The following SLC38A6 variants were observed in gnomAD, a reference collection of about 807,000 sequenced individuals.
SLC38A6 encodes the protein solute carrier family 38 member 6, also known as N system amino acid transporter NAT-1.
Under a neutral mutation model 65.0 loss-of-function variants are expected in SLC38A6, and 73 were observed. The ratio of observed to expected loss-of-function variants is 1.12; its 90% CI spans 0.93 to 1.37. The LOEUF (loss-of-function observed/expected upper bound fraction) is 1.37, where lower values mean the gene tolerates loss of function less well. SLC38A6 is among the 40% of genes most tolerant of loss of function. The pLI, the probability that SLC38A6 is intolerant of heterozygous loss-of-function variation, is 0.00. For missense variants in SLC38A6, 561 were observed against 531.1 expected, an observed-to-expected ratio of 1.06 and a Z score of -0.55; for synonymous variants, 183 against 178.8, an observed-to-expected ratio of 1.02 and a Z score of -0.19.
At chr14:61,005,425 A>C (rs370837917) in intron 3 of SLC38A6, among the ~76,000 whole-genome samples, 12 of 139,286 alleles carry the variant, frequency 8.6e-5, no homozygotes, top group South Asian at 5.0e-4. Flanking sequence ...TTGTATATCT[A>C]GAAAACCCCA....
At chr14:60,992,026 A>G (rs2037930974) in intron 3 of SLC38A6, among the ~76,000 whole-genome samples, 1 of 152,230 alleles carries the variant, frequency 6.6e-6, no homozygotes, top group African/African-American at 2.4e-5. Flanking sequence ...AATGAGCCCA[A>G]CTAAAAGTCA....
chr14:60,999,535 T>G (rs1595005862), intron 3 of SLC38A6, among the ~76,000 whole-genome samples: 1 of 152,218 alleles, frequency 6.6e-6, no homozygotes, highest in African/African-American at 2.4e-5. Flanking sequence ...TATACCCTAC[T>G]GCAGTGAGCT....
At chr14:61,016,984 A>T (rs1290801788) in intron 4 of SLC38A6, among the ~76,000 whole-genome samples, 2 of 152,196 alleles carry the variant, frequency 1.3e-5, no homozygotes, top group East Asian at 3.8e-4. Context: ...GGAAATATAT[A>T]TAGCTATACA....
chr14:60,997,400 C>T (rs2038374751), intron 3 of SLC38A6, among the ~76,000 whole-genome samples: 1 of 152,182 alleles, frequency 6.6e-6, no homozygotes, highest in Non-Finnish European at 1.5e-5. Context: ...GATTTGCCCA[C>T]CTCAGCTTCC....
intron 1 of SLC38A6, 171 bp downstream of exon 1, chr14:60,981,553 C>T: frequency 6.5e-7 from 1 of 1,529,132 alleles, no homozygotes; most frequent in Non-Finnish European, 8.7e-7. Flanking sequence ...GAGATTGGCG[C>T]AGTTATGAAC....
At chr14:61,062,189 C>G (rs186620401) in intron 15 of SLC38A6, among the ~76,000 whole-genome samples, 87 of 152,250 alleles carry the variant, frequency 5.7e-4, no homozygotes, top group East Asian at 5.0e-3. Context: ...TACCATGGAG[C>G]ACAGTTCCTA....
intron 10 of SLC38A6, among the ~76,000 whole-genome samples, chr14:61,044,730 A>G (rs1232143777): frequency 6.6e-6 from 1 of 152,202 alleles, no homozygotes; most frequent in East Asian, 1.9e-4. Flanking sequence ...TTCTAATAAT[A>G]AAAACAAAAC....
At chr14:60,981,451 A>G (rs1277825346) in intron 1 of SLC38A6, 69 bp downstream of exon 1, 4 of 1,546,098 alleles carry the variant, frequency 2.6e-6, no homozygotes, top group Middle Eastern at 1.7e-4. Context: ...GCCAAATAAG[A>G]CCCAGAAAAG....
At chr14:60,984,836 A>C in intron 3 of SLC38A6, 33 bp downstream of exon 3, 4 of 1,584,796 alleles carry the variant, frequency 2.5e-6, no homozygotes, top group Non-Finnish European at 3.5e-6. Context: ...TTCATTTAAT[A>C]AAGGAGTCTC....
chr14:60,983,062 CAT>C (rs1393506453), intron 2 of SLC38A6, among the ~76,000 whole-genome samples: 3 of 152,138 alleles, frequency 2.0e-5, no homozygotes, highest in African/African-American at 7.2e-5. Flanking sequence ...AGAGGCCAGA[CAT>C]GTGTTTTGTG....
chr14:61,005,777 A>G (rs2039063506), intron 3 of SLC38A6, among the ~76,000 whole-genome samples: 1 of 152,244 alleles, frequency 6.6e-6, no homozygotes, highest in Non-Finnish European at 1.5e-5. Context: ...TTATAGATTC[A>G]ATGCCATCCC....
intron 3 of SLC38A6, among the ~76,000 whole-genome samples, chr14:61,012,958 G>T (rs1306069697): frequency 2.0e-5 from 3 of 151,836 alleles, no homozygotes; most frequent in Admixed American, 6.6e-5. Flanking sequence ...TCTGTCTCGT[G>T]GATCTGTCTA....
At chr14:61,034,787 C>T (rs77722612) in intron 6 of SLC38A6, among the ~76,000 whole-genome samples, 2,861 of 152,228 alleles carry the variant, frequency 0.019, 54 homozygotes, top group South Asian at 0.067. Flanking sequence ...GCTTCAGGTC[C>T]ACTAAAGCTG....
intron 5 of SLC38A6, among the ~76,000 whole-genome samples, chr14:61,021,399 A>G (rs896119596): frequency 3.3e-5 from 5 of 152,196 alleles, no homozygotes; most frequent in African/African-American, 1.2e-4. Context: ...ACTGGTGCTA[A>G]TGTATAGAAA....
chr14:61,014,760 A>G (rs1423635382), intron 3 of SLC38A6, among the ~76,000 whole-genome samples: 1 of 152,124 alleles, frequency 6.6e-6, no homozygotes, highest in East Asian at 1.9e-4. Context: ...GTCTCAGAGG[A>G]GTACCCGGCC....
At chr14:61,039,544 T>G (rs1228478707) in intron 8 of SLC38A6, among the ~76,000 whole-genome samples, 1 of 124,894 alleles carries the variant, frequency 8.0e-6, no homozygotes, top group Non-Finnish European at 1.8e-5. Context: ...TTTTTTTTTG[T>G]ATTTTTAGTA....
intron 3 of SLC38A6, among the ~76,000 whole-genome samples, chr14:60,998,151 G>A (rs908399720): frequency 2.6e-5 from 4 of 151,718 alleles, no homozygotes; most frequent in African/African-American, 9.7e-5. Flanking sequence ...TGGGCAGGAG[G>A]CAGGGAAATA....
intron 16 of SLC38A6, chr14:61,083,446 G>A: frequency 6.9e-7 from 1 of 1,448,538 alleles, no homozygotes; most frequent in Non-Finnish European, 9.1e-7. Context: ...CAATCCCCAG[G>A]ACCTCAGAAT....
chr14:61,010,322 G>A (rs1285125971), intron 3 of SLC38A6, among the ~76,000 whole-genome samples: 1 of 151,960 alleles, frequency 6.6e-6, no homozygotes, highest in Non-Finnish European at 1.5e-5. Context: ...CTCCCATTTT[G>A]TAGGTTGCCT....
Sources: allele counts gnomAD v4.1 joint callset (sites outside exome capture counted in the v4.1 genomes callset), GRCh38; gene constraint gnomAD v4.1.1; transcripts MANE v1.5; gene names NCBI Gene and HGNC (gene_info 2026-07-23, HGNC 2026-07-21).